The following HDAC9 variants were observed in gnomAD, a reference collection of about 807,000 sequenced individuals.
HDAC9 encodes MEF-2 interacting transcription repressor (MITR) protein.
In HDAC9, 41 loss-of-function variants were observed where a neutral mutation model predicts 139.4. The ratio of observed to expected loss-of-function variants is 0.29; its 90% CI spans 0.23 to 0.38. The LOEUF (loss-of-function observed/expected upper bound fraction) is 0.38. Ranked by LOEUF, HDAC9 falls within the 10% of genes least tolerant of loss-of-function variation. The pLI is 1.00. For missense variants in HDAC9, 1,147 were observed against 1,297.0 expected (o/e 0.88, Z 1.78); for synonymous variants, 517 against 476.2 (o/e 1.09, Z -1.12).
At chr7:18,991,798 T>C (rs1785996708) in intron 25 of HDAC9, among the ~76,000 whole-genome samples, 1 of 152,218 alleles carries the variant, frequency 6.6e-6, no homozygotes, top group African/African-American at 2.4e-5. Flanking sequence ...TAAATGCAAA[T>C]TTGAATAACA....
At chr7:18,564,584 TA>T (rs1434881240) in intron 2 of HDAC9, among the ~76,000 whole-genome samples, 2 of 152,242 alleles carry the variant, frequency 1.3e-5, no homozygotes, top group African/African-American at 4.8e-5. Context: ...TGTCCATTTT[TA>T]TTTTTTTATT....
chr7:18,821,177 C>T (rs761974805), intron 17 of HDAC9, among the ~76,000 whole-genome samples: 1 of 152,172 alleles, frequency 6.6e-6, no homozygotes. Flanking sequence ...TGGCCTTATC[C>T]GATTTATGAT....
chr7:18,760,003 A>C (rs1331483840), intron 14 of HDAC9, among the ~76,000 whole-genome samples: 1 of 152,202 alleles, frequency 6.6e-6, no homozygotes, highest in African/African-American at 2.4e-5. Context: ...AATCAATGAA[A>C]GTTTATGATA....
intron 2 of HDAC9, among the ~76,000 whole-genome samples, chr7:18,275,636 C>T (rs1361901860): frequency 1.3e-5 from 2 of 152,162 alleles, no homozygotes; most frequent in Admixed American, 1.3e-4. Flanking sequence ...GGACCTGCCT[C>T]AAGTGCTCCC....
intron 22 of HDAC9, among the ~76,000 whole-genome samples, chr7:18,901,221 TACACACACACAC>T (rs373441653): frequency 4.1e-5 from 5 of 123,144 alleles, no homozygotes; most frequent in South Asian, 6.0e-4. Flanking sequence ...TATATATATA[TACACACACACAC>T]ACACACACAC....
At chr7:18,797,248 A>C (rs73310570) in intron 17 of HDAC9, among the ~76,000 whole-genome samples, 2,144 of 152,312 alleles carry the variant, frequency 0.014, 46 homozygotes, top group African/African-American at 0.049. Context: ...CAACCACTCT[A>C]TCAGGACATT....
intron 1 of HDAC9, among the ~76,000 whole-genome samples, chr7:18,472,596 T>C (rs1217168901): frequency 1.3e-5 from 2 of 152,212 alleles, no homozygotes; most frequent in Non-Finnish European, 2.9e-5. Flanking sequence ...GTCTATTCCC[T>C]CTGCGTGAAG....
At chr7:18,781,371 C>T (rs1009024818) in intron 16 of HDAC9, among the ~76,000 whole-genome samples, 1 of 151,970 alleles carries the variant, frequency 6.6e-6, no homozygotes, top group Admixed American at 6.6e-5. Flanking sequence ...GGTCAAGTTA[C>T]TTAACCTCTT....
chr7:18,468,195 C>T (rs1363696393), intron 1 of HDAC9, among the ~76,000 whole-genome samples: 2 of 152,134 alleles, frequency 1.3e-5, no homozygotes, highest in Non-Finnish European at 2.9e-5. Context: ...AAGCAAGTCA[C>T]TAAGCACAAC....
At chr7:18,153,943 A>G (rs569224976) in intron 1 of HDAC9, among the ~76,000 whole-genome samples, 1 of 152,284 alleles carries the variant, frequency 6.6e-6, no homozygotes, top group Admixed American at 6.5e-5. Context: ...TTAAAATTGT[A>G]TGGACTGCTA....
At chr7:18,521,514 T>C (rs913261228) in intron 2 of HDAC9, among the ~76,000 whole-genome samples, 1 of 152,152 alleles carries the variant, frequency 6.6e-6, no homozygotes, top group African/African-American at 2.4e-5. Context: ...ATAAGCAAAA[T>C]GGATAAAGCT....
At chr7:18,103,446 C>T (rs1427812811) in intron 1 of HDAC9, among the ~76,000 whole-genome samples, 1 of 152,166 alleles carries the variant, frequency 6.6e-6, no homozygotes, top group East Asian at 1.9e-4. Context: ...AAATAGTGAA[C>T]ATAGTACCCA....
intron 6 of HDAC9, among the ~76,000 whole-genome samples, chr7:18,612,280 T>C (rs1445765164): frequency 6.6e-6 from 1 of 152,140 alleles, no homozygotes; most frequent in Non-Finnish European, 1.5e-5. Flanking sequence ...CCAGCTTTTA[T>C]AAAATGTTTT....
chr7:18,396,974 C>T (rs1042952850), intron 1 of HDAC9, among the ~76,000 whole-genome samples: 1 of 152,020 alleles, frequency 6.6e-6, no homozygotes, highest in Non-Finnish European at 1.5e-5. Context: ...GATTGCTCCC[C>T]ACCCTTGCCC....
In HDAC9 at chr7:18,647,780, C is replaced by T. The variant is rs932044464; in HGVS notation, c.1036-5C>T. 1.9e-6 allele frequency: 3 copies of T among 1,601,072 alleles called. No individual in the cohort carries two copies. The highest frequency in any genetic ancestry group is 8.5e-7 in the Non-Finnish European group (1 of 1,173,222). On this transcript the variant is annotated splice_polypyrimidine_tract_variant and splice_region_variant and intron_variant, in intron 9 of 25. Transcript: ENST00000686413. ...GATTAACATCTTTGTTATTTCTCAA[C>T]ACAGGCTTCGAATTCACTCAAAGAA...
intron 6 of HDAC9, among the ~76,000 whole-genome samples, chr7:18,609,602 A>G (rs964469974): frequency 6.6e-6 from 1 of 152,076 alleles, no homozygotes; most frequent in Non-Finnish European, 1.5e-5. Flanking sequence ...ACAGAATTAT[A>G]TTTTCAGAAC....
intron 1 of HDAC9, among the ~76,000 whole-genome samples, chr7:18,375,868 C>A (rs1188389228): frequency 3.9e-5 from 6 of 152,010 alleles, no homozygotes; most frequent in African/African-American, 7.3e-5. Context: ...AGGATCTGTC[C>A]CTAATGCTAA....
intron 23 of HDAC9, among the ~76,000 whole-genome samples, chr7:18,941,189 C>T: frequency 6.6e-6 from 1 of 150,816 alleles, no homozygotes; most frequent in East Asian, 1.9e-4. Flanking sequence ...CCCTCCCTGC[C>T]TCCCTCCCGT....
At chr7:18,242,589 T>C (rs1794257055) in intron 2 of HDAC9, among the ~76,000 whole-genome samples, 1 of 152,236 alleles carries the variant, frequency 6.6e-6, no homozygotes, top group Non-Finnish European at 1.5e-5. Flanking sequence ...TATGCCATTC[T>C]CTATTCTTAA....
Sources: gnomAD v4.1 joint callset for allele counts (sites outside exome capture counted in the v4.1 genomes callset) on GRCh38, gnomAD v4.1.1 for gene constraint, MANE v1.5 for transcripts, NCBI Gene and HGNC (gene_info 2026-07-23, HGNC 2026-07-21) for gene names.